The following HERC1 variants were observed in gnomAD, a reference collection of about 807,000 sequenced individuals.
HERC1 encodes HECT and RLD domain containing E3 ubiquitin protein ligase family member 1, also known as probable E3 ubiquitin-protein ligase HERC1.
In HERC1, 160 loss-of-function variants were observed where a neutral mutation model predicts 554.3. That is an observed-to-expected ratio of 0.29 (90% CI 0.25 to 0.33). HERC1 has a LOEUF of 0.33. HERC1 is among the 10% of genes least tolerant of loss of function. The pLI, the probability that HERC1 is intolerant of heterozygous loss-of-function variation, is 1.00. For synonymous variants in HERC1, 2,175 were observed against 2,131.7 expected (o/e 1.02, Z -0.56); for missense variants, 4,919 against 5,918.5 (o/e 0.83, Z 5.54).
chr15:63,733,671 T>C (rs147780378), intron 13 of HERC1, among the ~76,000 whole-genome samples: 221 of 150,460 alleles, frequency 1.5e-3, no homozygotes, highest in African/African-American at 4.9e-3. Flanking sequence ...CTGGGCAACA[T>C]AGCAAAACCC....
chr15:63,638,266 T>G (rs947479935), intron 63 of HERC1, 145 bp downstream of exon 63: 1 of 860,470 alleles, frequency 1.2e-6, no homozygotes, highest in African/African-American at 1.7e-5. Context: ...AAGTTTTTAT[T>G]TGAAAGCTAT....
At chr15:63,763,092 A>G (rs1267332119) in intron 3 of HERC1, among the ~76,000 whole-genome samples, 1 of 152,226 alleles carries the variant, frequency 6.6e-6, no homozygotes, top group East Asian at 1.9e-4. Context: ...TGTGGGCTCC[A>G]CAATAGCCAT....
At chr15:63,743,154 C>A (rs985234571) in intron 12 of HERC1, among the ~76,000 whole-genome samples, 1 of 151,814 alleles carries the variant, frequency 6.6e-6, no homozygotes, top group Non-Finnish European at 1.5e-5. Context: ...AACTCTTTGA[C>A]TTGCCCTTTG....
intron 61 of HERC1, among the ~76,000 whole-genome samples, chr15:63,639,818 C>G (rs1038035125): frequency 6.6e-5 from 10 of 152,038 alleles, no homozygotes; most frequent in African/African-American, 2.4e-4. Context: ...GGCATATAAC[C>G]CACAAGATGA....
At chr15:63,745,854 G>T (rs556316806) in intron 12 of HERC1, among the ~76,000 whole-genome samples, 3 of 152,182 alleles carry the variant, frequency 2.0e-5, no homozygotes, top group African/African-American at 7.2e-5. Context: ...TTTCCCTTTT[G>T]ATTTCTGTAG....
chr15:63,738,201 A>G (rs1320356645), intron 12 of HERC1, among the ~76,000 whole-genome samples: 1 of 152,246 alleles, frequency 6.6e-6, no homozygotes, highest in Non-Finnish European at 1.5e-5. Flanking sequence ...AAAAAATGAC[A>G]GAGATATTCA....
rs187072211 is a variant in HERC1, at chr15:63,819,100, G to C, written c.-27+14727C>G. ...AGCAGCTTTCCAATCACTTACTTTA[G>C]AGATCAAACCTGCAGTACCATATAA... On this transcript the variant is annotated intron_variant, in intron 1 of 77. Coordinates refer to ENST00000443617, the MANE Select transcript of HERC1 (RefSeq NM_003922.4). Among the ~76,000 whole-genome samples the C allele has an allele frequency of 2.3e-3, 355 of 152,236 alleles. 1 individual carries two copies. Among genetic ancestry groups the C allele is most frequent in the African/African-American group, 8.1e-3 (335 of 41,534 alleles).
At chr15:63,784,221 C>A (rs1045273816) in intron 1 of HERC1, among the ~76,000 whole-genome samples, 6 of 151,874 alleles carry the variant, frequency 4.0e-5, no homozygotes, top group African/African-American at 9.7e-5. Context: ...TTTTTAAGTA[C>A]CAGTGGAAAA....
At chr15:63,743,151 T>C (rs2141442660) in intron 12 of HERC1, among the ~76,000 whole-genome samples, 1 of 152,222 alleles carries the variant, frequency 6.6e-6, no homozygotes, top group East Asian at 1.9e-4. Flanking sequence ...AACAACTCTT[T>C]GACTTGCCCT....
chr15:63,762,717 T>C (rs2075650992), intron 3 of HERC1, among the ~76,000 whole-genome samples: 1 of 152,172 alleles, frequency 6.6e-6, no homozygotes, highest in Admixed American at 6.5e-5. Flanking sequence ...AAAGAGCAGA[T>C]AGAAAGAATC....
At chr15:63,802,843 T>C (rs2077034687) in intron 1 of HERC1, among the ~76,000 whole-genome samples, 1 of 152,218 alleles carries the variant, frequency 6.6e-6, no homozygotes, top group African/African-American at 2.4e-5. Context: ...AAAGCAATAA[T>C]AGCAGTTACA....
In HERC1 at chr15:63,733,151, G is replaced by A; in HGVS notation, c.2647-6C>T. The A allele has an allele frequency of 1.3e-6, 2 of 1,592,990 alleles. No individual in the cohort carries two copies. Among genetic ancestry groups the A allele is most frequent in the Non-Finnish European group, 1.7e-6 (2 of 1,160,984 alleles). The stretch of plus-strand genomic sequence containing the variant: ...ATGATATCCAGTTGCATTCTCTAAA[G>A]AACAATAAAATAGGAACAAGTAACT... On this transcript the variant is annotated splice_region_variant and splice_polypyrimidine_tract_variant and intron_variant, in intron 13 of 77. Transcript: ENST00000443617.
chr15:63,683,003 A>T (rs1004898493), intron 34 of HERC1, among the ~76,000 whole-genome samples: 3 of 151,858 alleles, frequency 2.0e-5, no homozygotes, highest in Non-Finnish European at 4.4e-5. Flanking sequence ...AGGCATGCTG[A>T]TGCGTGCCTC....
intron 1 of HERC1, among the ~76,000 whole-genome samples, chr15:63,788,781 G>A (rs997725093): frequency 2.0e-5 from 3 of 151,488 alleles, no homozygotes; most frequent in Non-Finnish European, 2.9e-5. Context: ...GCTGGGCGTG[G>A]TGGCAAGTGC....
chr15:63,697,210 C>T (rs2072469106), intron 26 of HERC1, among the ~76,000 whole-genome samples: 1 of 152,102 alleles, frequency 6.6e-6, no homozygotes, highest in Non-Finnish European at 1.5e-5. Flanking sequence ...TACCACATTG[C>T]ATTTAGTTGC....
intron 2 of HERC1, 127 bp downstream of exon 2, chr15:63,774,567 A>G (rs532363128): frequency 1.4e-6 from 1 of 718,542 alleles, no homozygotes; most frequent in Admixed American, 3.1e-5. Flanking sequence ...AGTATATGAA[A>G]TATTTAATTA....
At position 63,694,597 on chromosome 15, in the gene HERC1, CATTT is replaced by C. The variant is rs769736184; in HGVS notation, c.5243-52_5243-49del. 29 of 1,516,828 alleles carry C rather than the reference CATTT, an allele frequency of 1.9e-5. No homozygotes were observed. The highest frequency in any genetic ancestry group is 2.5e-5 in the Non-Finnish European group (27 of 1,100,050). The allele number at this position is 1,516,828 out of a possible 1,614,324, so 94.0% of individuals were successfully genotyped here. A position where few individuals can be genotyped will look rare whatever the true frequency, so the allele number is the denominator to read the frequency against. ...AGAATCTTCCTTTCAGTAAACAAAG[CATTT>C]ATTAAAATGAATAATTTTCTAAAAT... On this transcript the variant is annotated intron_variant, in intron 28 of 77. Transcript: ENST00000443617. This position sits in a 1 kb window ranked among gnomAD's most constrained non-coding sequence, Gnocchi z 4.3.
At chr15:63,701,484 G>C (rs904682036) in intron 25 of HERC1, among the ~76,000 whole-genome samples, 7 of 152,168 alleles carry the variant, frequency 4.6e-5, no homozygotes, top group African/African-American at 1.7e-4. Context: ...AATATTTTAG[G>C]CTTTGCAGAC....
rs953669056 is a variant in HERC1 at position 63,689,631 on chromosome 15, A to G, written c.6006T>C (p.His2002=). The G allele has an allele frequency of 6.9e-6, 11 of 1,584,236 alleles. No individual in the cohort carries two copies. The Admixed American group carries it at 1.6e-4, about 23-fold the overall frequency. The change falls in exon 33 of 78, where the codon CAT becomes CAC. Residue 2002 remains histidine (H), a synonymous_variant. Transcript: ENST00000443617. ...MWETPIAQAK[H]AIQIKEKEQE... ...GTTCTTTTTCCTTTATCTGAATAGCATGTTTGGCCTGAGCAATGGGTGTCT... is the reference window on the plus strand; with the variant it reads ...GTTCTTTTTCCTTTATCTGAATAGCGTGTTTGGCCTGAGCAATGGGTGTCT...
Sources: allele counts gnomAD v4.1 joint callset (sites outside exome capture counted in the v4.1 genomes callset), GRCh38; gene constraint gnomAD v4.1.1; non-coding constraint Gnocchi (gnomAD v3.1); transcripts MANE v1.5; gene names NCBI Gene and HGNC (gene_info 2026-07-23, HGNC 2026-07-21).